HEG1: variants seen among roughly 807,000 people sequenced by gnomAD.
HEG1 encodes protein HEG homolog 1.
Under a neutral mutation model 125.6 loss-of-function variants are expected in HEG1, and 56 were observed. The observed-to-expected ratio is 0.45, with a 90% confidence interval of 0.36 to 0.56. The LOEUF (loss-of-function observed/expected upper bound fraction) is 0.56, where lower values mean the gene tolerates loss of function less well. HEG1 is among the 20% of genes least tolerant of loss of function. HEG1 has a pLI of 0.00. For synonymous variants in HEG1, 644 were observed against 668.5 expected (o/e 0.96, Z 0.57); for missense variants, 1,523 against 1,670.0 (o/e 0.91, Z 1.53).
intron 2 of HEG1, 46 bp from the exon 3 acceptor site, chr3:125,027,553 A>C: frequency 6.0e-6 from 9 of 1,498,438 alleles, no homozygotes; most frequent in Non-Finnish European, 8.1e-6. Flanking sequence ...CAGACTTCAA[A>C]ATGTCTTAAT....
intron 1 of HEG1, among the ~76,000 whole-genome samples, chr3:125,036,258 G>A (rs1014953714): frequency 2.7e-5 from 4 of 146,776 alleles, no homozygotes; most frequent in Non-Finnish European, 4.5e-5. Flanking sequence ...CTTCCAAACT[G>A]GCAGAGCTTG....
Position 125,029,222 on chromosome 3 carries a change from C to T in HEG1, c.583G>A (p.Ala195Thr). 6.2e-7 allele frequency: 1 copy of T among 1,612,960 alleles called. No individual in the cohort carries two copies. The highest frequency in any genetic ancestry group is 1.1e-5 in the South Asian group (1 of 90,844). The stretch of plus-strand genomic sequence containing the variant: ...AAGTTGCCACTCTGGGAAGTCAGAG[C>T]TGTTGCTATCTCCAGTGAGTACCCA... The part of the protein sequence containing the change: ...PVGYSLEIAT[A>T]LTSQSGNLAS... The change falls in exon 2 of 17, where the codon GCT (alanine) becomes ACT (threonine). Residue 195 changes from alanine (A) to threonine (T), a missense_variant. Physicochemically the swap from Ala to Thr is moderately conservative, Grantham distance 58 (BLOSUM62 0). Coordinates refer to ENST00000311127, the MANE Select transcript of HEG1 (RefSeq NM_020733.2).
Position 125,049,513 on chromosome 3 carries a change from A to G in HEG1, c.316+6062T>C, listed in dbSNP as rs115344781. ...CCCGGCCTCCCTCTAGTTCAGTTCC[A>G]CATTCTCAACCATCCACAGAATACT... On this transcript the variant is annotated intron_variant, in intron 1 of 16. Coordinates refer to ENST00000311127, the MANE Select transcript of HEG1 (RefSeq NM_020733.2). 2.9e-3 allele frequency among the ~76,000 whole-genome samples: 449 copies of G among 152,230 alleles called. 1 individual carries two copies. The highest frequency in any genetic ancestry group is 9.6e-3 in the African/African-American group (398 of 41,538).
In HEG1 at chr3:124,977,912, C is replaced by T. The variant is rs775322492; in HGVS notation, c.3768G>A (p.Ala1256=). The T allele has an allele frequency of 7.1e-5, 112 of 1,580,548 alleles. No individual in the cohort carries two copies. Among genetic ancestry groups the T allele is most frequent in the Admixed American group, 9.0e-5 (5 of 55,486 alleles). ...CTAGGATGAGCAGGAGCCCACCTCCCGCGGCTGCGATCACCACAGTGATAA... is the reference window on the plus strand; with the variant it reads ...CTAGGATGAGCAGGAGCCCACCTCCTGCGGCTGCGATCACCACAGTGATAA... ...YQLITVVIAA[A]GGGLLLILGI... The change falls in exon 15 of 17, where the codon GCG becomes GCA. Residue 1256 remains alanine, a synonymous_variant. Coordinates refer to ENST00000311127, the MANE Select transcript of HEG1 (RefSeq NM_020733.2).
In HEG1 at chr3:125,013,043, T is replaced by C. The variant is rs1054887187; in HGVS notation, c.2536A>G (p.Ile846Val). ...ATAAGAGGCTGAGAGGTCTTCAGAA[T>C]GGTAGTTGTGAAAGTTGGAGACATT... ...AQMSPTFTTT[I>V]LKTSQPLMTT... The change falls in exon 6 of 17, where the codon ATT becomes GTT. Residue 846 changes from isoleucine (I) to valine (V), a missense_variant. Coordinates refer to ENST00000311127, the MANE Select transcript of HEG1 (RefSeq NM_020733.2). 1.2e-6 allele frequency: 2 copies of C among 1,613,980 alleles called. No homozygotes were observed. Among genetic ancestry groups the C allele is most frequent in the African/African-American group, 1.3e-5 (1 of 75,034 alleles).
chr3:124,991,674 C>T (rs1936836495), intron 12 of HEG1, among the ~76,000 whole-genome samples: 1 of 152,010 alleles, frequency 6.6e-6, no homozygotes, highest in Non-Finnish European at 1.5e-5. Context: ...TGCAGTGGCA[C>T]TATCTTGGCT....
intron 1 of HEG1, among the ~76,000 whole-genome samples, chr3:125,033,474 G>A (rs1012412261): frequency 6.6e-6 from 1 of 152,136 alleles, no homozygotes; most frequent in Non-Finnish European, 1.5e-5. Flanking sequence ...GCACAGCAAG[G>A]AAACCTGGCC....
At chr3:125,027,929 T>C (rs564286675) in intron 2 of HEG1, among the ~76,000 whole-genome samples, 1 of 152,306 alleles carries the variant, frequency 6.6e-6, no homozygotes, top group Non-Finnish European at 1.5e-5. Flanking sequence ...TAGGAATCAT[T>C]TATGAATACA....
Position 124,987,952 on chromosome 3 carries a change from C to CACACACACACACACACACATAT in HEG1, c.3733+2834_3733+2835insATATGTGTGTGTGTGTGTGTGT. 4.0e-3 allele frequency among the ~76,000 whole-genome samples: 221 copies of CACACACACACACACACACATAT among 54,666 alleles called. 8 individuals carry two copies. Among genetic ancestry groups the CACACACACACACACACACATAT allele is most frequent in the Middle Eastern group, 0.02 (2 of 102 alleles). 35.9% of individuals were successfully genotyped at this position (54,666 alleles called of 152,430 possible). A position where few individuals can be genotyped will look rare whatever the true frequency, so the allele number is the denominator to read the frequency against. On this transcript the variant is annotated intron_variant, in intron 14 of 16. Transcript: ENST00000311127. ...ACACACACACACACACACACACACA[C>CACACACACACACACACACATAT]ATATATATATATATATATATATACC...
intron 1 of HEG1, among the ~76,000 whole-genome samples, chr3:125,044,180 G>C (rs1430422888): frequency 1.3e-5 from 2 of 152,214 alleles, no homozygotes; most frequent in Non-Finnish European, 2.9e-5. Flanking sequence ...GGGCCTCCGA[G>C]GGGAGAAGCT....
At chr3:125,041,463 G>A (rs1399341008) in intron 1 of HEG1, among the ~76,000 whole-genome samples, 2 of 152,216 alleles carry the variant, frequency 1.3e-5, no homozygotes, top group African/African-American at 4.8e-5. Context: ...AAATGCTGGC[G>A]AGGATATGGA....
chr3:124,997,913 G>A, intron 11 of HEG1, 90 bp from the exon 12 acceptor site: 1 of 1,328,314 alleles, frequency 7.5e-7, no homozygotes, highest in Non-Finnish European at 1.0e-6. Flanking sequence ...TCATGTGTCT[G>A]CATGAACTCT....
chr3:125,037,643 G>A (rs1339623189), intron 1 of HEG1, among the ~76,000 whole-genome samples: 6 of 152,198 alleles, frequency 3.9e-5, no homozygotes, highest in Admixed American at 3.9e-4. Flanking sequence ...CCACTGCTGG[G>A]CCCTGCTGGC....
rs1037861886 is a variant in HEG1, at chr3:124,968,261, A to T, written c.*2391T>A. ...AGCTAGGAACCCCGTGCAGGAGTGC[A>T]GCTGGCCTCTCCCTTCCTCACTGGG... On this transcript the variant is annotated 3_prime_UTR_variant, in exon 17 of 17. Coordinates refer to ENST00000311127, the MANE Select transcript of HEG1 (RefSeq NM_020733.2). The T allele has an allele frequency of 6.6e-6, 1 of 152,380 alleles. No individual in the cohort carries two copies. Among genetic ancestry groups the T allele is most frequent in the Non-Finnish European group, 1.5e-5 (1 of 68,224 alleles). The allele number at this position is 152,380 out of a possible 1,614,324, so 9.4% of individuals were successfully genotyped here. A position where few individuals can be genotyped will look rare whatever the true frequency, so the allele number is the denominator to read the frequency against.
intron 14 of HEG1, among the ~76,000 whole-genome samples, chr3:124,987,609 GC>G (rs1203094779): frequency 7.5e-6 from 1 of 133,212 alleles, no homozygotes; most frequent in Non-Finnish European, 1.6e-5. Context: ...TGCAAGCTCC[GC>G]CCCCCCAGGT....
At position 125,013,642 on chromosome 3, in the gene HEG1, G is replaced by T; in HGVS notation, c.1937C>A (p.Ser646Ter). Residue 646 changes from serine to a stop codon, truncating the protein, a stop_gained, in exon 6 of 17, where the codon TCG becomes TAG. Coordinates refer to ENST00000311127, the MANE Select transcript of HEG1 (RefSeq NM_020733.2). LOFTEE classifies it high-confidence loss of function. ...YTPTINMPNT[S>*]VVLDTDAEFV... ...CTCAGCATCAGTGTCCAGAACAACC[G>T]AAGTGTTCGGCATATTAATGGTGGG... 1 of 1,611,412 alleles carries T rather than the reference G, an allele frequency of 6.2e-7. No individual in the cohort carries two copies. Among genetic ancestry groups the T allele is most frequent in the Non-Finnish European group, 8.5e-7 (1 of 1,178,746 alleles).
intron 12 of HEG1, among the ~76,000 whole-genome samples, chr3:124,993,147 G>A (rs938851533): frequency 4.6e-5 from 7 of 152,128 alleles, no homozygotes; most frequent in Admixed American, 1.3e-4. Context: ...CTCAGTGTCC[G>A]GGAACCTCAG....
chr3:124,994,972 G>A (rs994091583), intron 12 of HEG1, among the ~76,000 whole-genome samples: 1 of 152,224 alleles, frequency 6.6e-6, no homozygotes, highest in African/African-American at 2.4e-5. Context: ...GGGAATGGCA[G>A]TCGGATTAAA....
intron 1 of HEG1, among the ~76,000 whole-genome samples, chr3:125,033,900 C>T (rs1162944336): frequency 6.6e-6 from 1 of 152,172 alleles, no homozygotes; most frequent in Non-Finnish European, 1.5e-5. Context: ...TTGCATGCTC[C>T]GTATGAGAAT....
Sources: allele counts gnomAD v4.1 joint callset (sites outside exome capture counted in the v4.1 genomes callset), GRCh38; gene constraint gnomAD v4.1.1; transcripts MANE v1.5; gene names NCBI Gene and HGNC (gene_info 2026-07-23, HGNC 2026-07-21).